The following DEUP1 variants were observed in gnomAD, a reference collection of about 807,000 sequenced individuals.
The protein encoded by DEUP1 is coiled-coil domain containing 67.
A neutral mutation model predicts 87.4 loss-of-function variants in DEUP1; 82 were observed. That is an observed-to-expected ratio of 0.94 (90% CI 0.78 to 1.13). DEUP1 has a LOEUF of 1.13. Ranked by LOEUF, DEUP1 falls within the 50% of genes most tolerant of loss-of-function variation. The pLI is 0.00. For synonymous variants in DEUP1, 214 were observed against 222.7 expected (o/e 0.96, Z 0.35); for missense variants, 663 against 681.5 (o/e 0.97, Z 0.30).
intron 7 of DEUP1, chr11:93,383,344 T>C (rs1474512419): frequency 2.9e-6 from 1 of 342,416 alleles, no homozygotes; most frequent in African/African-American, 2.1e-5. Context: ...AGCATTATGC[T>C]ACATTAAAGA....
intron 11 of DEUP1, among the ~76,000 whole-genome samples, 153 bp from the exon 12 acceptor site, chr11:93,408,078 G>A (rs909934437): frequency 6.6e-6 from 1 of 151,992 alleles, no homozygotes; most frequent in Non-Finnish European, 1.5e-5. Context: ...AGGTGAGGGG[G>A]TGGAAAGGAG....
intron 12 of DEUP1, among the ~76,000 whole-genome samples, chr11:93,413,400 CCAGG>C (rs1947505623): frequency 6.6e-6 from 1 of 152,102 alleles, no homozygotes; most frequent in African/African-American, 2.4e-5. Flanking sequence ...CGCCATCACG[CCAGG>C]CTAATTTTTT....
intron 2 of DEUP1, among the ~76,000 whole-genome samples, chr11:93,336,127 A>G (rs1178024839): frequency 6.6e-6 from 1 of 152,170 alleles, no homozygotes; most frequent in Non-Finnish European, 1.5e-5. Flanking sequence ...ACAAAAACAA[A>G]AAACAAAACC....
chr11:93,401,432 GA>G (rs1333763883), intron 11 of DEUP1, among the ~76,000 whole-genome samples: 2 of 151,524 alleles, frequency 1.3e-5, no homozygotes, highest in Non-Finnish European at 3.0e-5. Context: ...CAAAGAAATA[GA>G]AAAAAAACTA....
At position 93,415,054 on chromosome 11, in the gene DEUP1, G is replaced by C. The variant is rs780369481; in HGVS notation, c.1578G>C (p.Ser526=). 2 of 1,608,244 alleles carry C rather than the reference G, an allele frequency of 1.2e-6. No homozygotes were observed. The highest frequency in any genetic ancestry group is 2.7e-5 in the African/African-American group (2 of 74,494). Residue 526 remains serine, a synonymous_variant, in exon 13 of 14, where the codon TCG becomes TCC. Coordinates refer to ENST00000298050, the MANE Select transcript of DEUP1 (RefSeq NM_181645.4). ...NRSTMPPLPP[S]TFQAKEMTSP... ...GTACAATGCCTCCCTTGCCACCTTC[G>C]ACATTTCAAGCCAAAGAAATGACAA... is the stretch of plus-strand genomic sequence containing the variant.
intron 4 of DEUP1, among the ~76,000 whole-genome samples, chr11:93,360,866 C>T (rs1591134555): frequency 3.9e-5 from 3 of 76,742 alleles, no homozygotes; most frequent in Admixed American, 1.4e-4. Flanking sequence ...GGTGAAAAAG[C>T]ATTCAAAGAA....
chr11:93,393,804 A>C (rs1183251909), intron 9 of DEUP1, among the ~76,000 whole-genome samples: 1 of 152,202 alleles, frequency 6.6e-6, no homozygotes, highest in Non-Finnish European at 1.5e-5. Flanking sequence ...AAGAGGTTGA[A>C]ATAGAATGGA....
At chr11:93,340,592 C>A (rs998556338) in intron 2 of DEUP1, among the ~76,000 whole-genome samples, 4 of 152,118 alleles carry the variant, frequency 2.6e-5, no homozygotes, top group African/African-American at 9.7e-5. Flanking sequence ...GAAGAATAGA[C>A]CATAGGAGGG....
At chr11:93,413,430 G>C (rs372826008) in intron 12 of DEUP1, among the ~76,000 whole-genome samples, 4 of 152,196 alleles carry the variant, frequency 2.6e-5, no homozygotes, top group Admixed American at 6.5e-5. Context: ...TTTTAGTAGC[G>C]ACGGGGTTTC....
At chr11:93,409,700 T>C (rs1947381807) in intron 12 of DEUP1, among the ~76,000 whole-genome samples, 1 of 152,166 alleles carries the variant, frequency 6.6e-6, no homozygotes, top group Admixed American at 6.5e-5. Context: ...ACAGAAATAA[T>C]ATTCACAGCC....
chr11:93,420,521 C>A, intron 13 of DEUP1, among the ~76,000 whole-genome samples: 1 of 148,506 alleles, frequency 6.7e-6, no homozygotes, highest in East Asian at 2.0e-4. Context: ...GATGCCCTCT[C>A]TCACCACTCC....
At chr11:93,417,761 T>C (rs1360420605) in intron 13 of DEUP1, among the ~76,000 whole-genome samples, 1 of 151,140 alleles carries the variant, frequency 6.6e-6, no homozygotes, top group African/African-American at 2.4e-5. Context: ...GGAGGCATCA[T>C]GCTACCTGAC....
At chr11:93,433,967 C>T (rs936655864) in intron 13 of DEUP1, among the ~76,000 whole-genome samples, 5 of 152,164 alleles carry the variant, frequency 3.3e-5, no homozygotes, top group African/African-American at 1.2e-4. Flanking sequence ...ACTGCAGCCT[C>T]CCAGGTGAGG....
chr11:93,437,918 A>C lies in DEUP1; in HGVS notation c.*199A>C, dbSNP rs1010750274. 4.5e-6 allele frequency: 2 copies of C among 440,742 alleles called. No individual in the cohort carries two copies. Among genetic ancestry groups the C allele is most frequent in the Non-Finnish European group, 8.2e-6 (2 of 242,464 alleles). 27.3% of individuals were successfully genotyped at this position (440,742 alleles called of 1,614,324 possible). On this transcript the variant is annotated 3_prime_UTR_variant, in exon 14 of 14. Coordinates refer to ENST00000298050, the MANE Select transcript of DEUP1 (RefSeq NM_181645.4). The stretch of plus-strand genomic sequence containing the variant: ...TCACATTTCTGCATTAACATGCTAA[A>C]TTGTCCTGCTGTAGAGTTACTATAA...
chr11:93,367,521 G>A (rs982313218), intron 5 of DEUP1, among the ~76,000 whole-genome samples: 1 of 152,110 alleles, frequency 6.6e-6, no homozygotes, highest in African/African-American at 2.4e-5. Flanking sequence ...GCTTTTATGT[G>A]TCAGCATTAT....
chr11:93,388,762 T>C (rs570135846), intron 8 of DEUP1, among the ~76,000 whole-genome samples: 56 of 152,310 alleles, frequency 3.7e-4, no homozygotes, highest in African/African-American at 1.2e-3. Context: ...GCAATCCCAG[T>C]ATTCTGCCAA....
intron 13 of DEUP1, chr11:93,415,326 A>C (rs1330259061): frequency 3.4e-6 from 1 of 295,198 alleles, no homozygotes. Flanking sequence ...TCAGTCAATG[A>C]TTATTAACCT....
chr11:93,392,732 G>GA (rs950689445), intron 9 of DEUP1, among the ~76,000 whole-genome samples: 35 of 149,324 alleles, frequency 2.3e-4, no homozygotes, highest in African/African-American at 5.9e-4. Flanking sequence ...AAGGTGAAAT[G>GA]AAAAAAAAAA....
chr11:93,391,773 G>A lies in DEUP1; in HGVS notation c.1041+2648G>A, dbSNP rs548951649. 1.4e-3 allele frequency among the ~76,000 whole-genome samples: 205 copies of A among 151,424 alleles called. 1 individual carries two copies. The highest frequency in any genetic ancestry group is 4.6e-3 in the African/African-American group (188 of 41,254). ...AGGTTAAACTATGCCAAAGGGATGCGATCAGCAAAATCCATACTGGGACAA... is the reference window on the plus strand; with the variant it reads ...AGGTTAAACTATGCCAAAGGGATGCAATCAGCAAAATCCATACTGGGACAA... On this transcript the variant is annotated intron_variant, in intron 9 of 13. Transcript: ENST00000298050.
Sources: gnomAD v4.1 joint callset for allele counts (sites outside exome capture counted in the v4.1 genomes callset) on GRCh38, gnomAD v4.1.1 for gene constraint, MANE v1.5 for transcripts, NCBI Gene and HGNC (gene_info 2026-07-23, HGNC 2026-07-21) for gene names.